Variants in SYT2 observed in about 807,000 individuals in gnomAD.
SYT2 encodes the protein synaptotagmin-2.
SYT2 carries 15 observed loss-of-function variants against 39.9 expected under a neutral mutation model. The ratio of observed to expected loss-of-function variants is 0.38; its 90% CI spans 0.25 to 0.58. SYT2 has a LOEUF of 0.58. Ranked by LOEUF, SYT2 falls within the 20% of genes least tolerant of loss-of-function variation. The probability of loss-of-function intolerance (pLI) is 0.70; values close to 1 mark genes in which losing one functional copy is unlikely to be tolerated. For missense variants in SYT2, 389 were observed against 530.3 expected (o/e 0.73, Z 2.62); for synonymous variants, 181 against 204.5 (o/e 0.89, Z 0.98).
At position 202,602,010 on chromosome 1, in the gene SYT2, A is replaced by C; in HGVS notation, c.681T>G (p.Tyr227Ter). The change falls in exon 6 of 9, where the codon TAT becomes TAG. Residue 227 changes from tyrosine (Y) to a stop codon, truncating the protein, a stop_gained. Coordinates refer to ENST00000367268, the MANE Select transcript of SYT2 (RefSeq NM_177402.5). LOFTEE classifies it high-confidence loss of function. ...CATGTTTGGAGAAGCGGTCAAAGTC[A>C]TAGATGGCCATCACCAGAGTTTTGC... ...LGGKTLVMAI[Y>*]DFDRFSKHDI... The C allele has an allele frequency of 6.2e-7, 1 of 1,614,178 alleles. No homozygotes were observed. The highest frequency in any genetic ancestry group is 8.5e-7 in the Non-Finnish European group (1 of 1,180,020).
At chr1:202,682,902 A>G (rs896672917) in intron 1 of SYT2, among the ~76,000 whole-genome samples, 6 of 152,314 alleles carry the variant, frequency 3.9e-5, no homozygotes, top group Non-Finnish European at 7.4e-5. Context: ...CCACAAATCA[A>G]TAAGAAGAAG....
At chr1:202,639,889 C>T (rs569036099) in intron 1 of SYT2, 3 of 962,740 alleles carry the variant, frequency 3.1e-6, no homozygotes, top group South Asian at 4.8e-5. Context: ...TATCCCTGCT[C>T]CTCCTGTAAT....
intron 1 of SYT2, 81 bp downstream of exon 1, chr1:202,710,177 T>C (rs912243395): frequency 6.6e-6 from 1 of 152,402 alleles, no homozygotes; most frequent in African/African-American, 2.4e-5. Flanking sequence ...GACCACCCCG[T>C]GGCCCCTCGA....
chr1:202,621,924 ATG>A (rs1001267497), intron 1 of SYT2, among the ~76,000 whole-genome samples: 1 of 152,146 alleles, frequency 6.6e-6, no homozygotes, highest in Non-Finnish European at 1.5e-5. Context: ...AAAAGCATAT[ATG>A]TGTGTGTGTG....
At chr1:202,633,508 C>T (rs1490509152) in intron 1 of SYT2, among the ~76,000 whole-genome samples, 1 of 152,130 alleles carries the variant, frequency 6.6e-6, no homozygotes, top group Non-Finnish European at 1.5e-5. Context: ...TCCCACTCAG[C>T]CCCTACCTGG....
chr1:202,592,404 G>A lies in SYT2; in HGVS notation c.*4353C>T, dbSNP rs1374947481. ...TTTCCCGATGGGAGGAGGCAGGGGT[G>A]GGGCTGGGGAACAAAGACTTTACAC... On this transcript the variant is annotated 3_prime_UTR_variant, in exon 9 of 9. Coordinates refer to ENST00000367268, the MANE Select transcript of SYT2 (RefSeq NM_177402.5). The A allele has an allele frequency of 2.0e-5, 3 of 152,630 alleles. No individual in the cohort carries two copies. Among genetic ancestry groups the A allele is most frequent in the Non-Finnish European group, 2.9e-5 (2 of 68,062 alleles). The allele number at this position is 152,630 out of a possible 1,614,324, so 9.5% of individuals were successfully genotyped here. A position where few individuals can be genotyped will look rare whatever the true frequency, so the allele number is the denominator to read the frequency against.
intron 1 of SYT2, among the ~76,000 whole-genome samples, chr1:202,706,660 G>C (rs997240148): frequency 6.6e-6 from 1 of 152,176 alleles, no homozygotes; most frequent in Non-Finnish European, 1.5e-5. Context: ...TCTCTGACTT[G>C]ATGTTTCTCC....
intron 2 of SYT2, 107 bp from the exon 3 acceptor site, chr1:202,604,728 G>A: frequency 5.6e-6 from 6 of 1,062,184 alleles, no homozygotes; most frequent in Non-Finnish European, 8.1e-6. Context: ...ATCCCACAAT[G>A]CCCACACCCC....
intron 1 of SYT2, among the ~76,000 whole-genome samples, chr1:202,702,760 A>G (rs1256562513): frequency 6.6e-6 from 1 of 152,202 alleles, no homozygotes; most frequent in Non-Finnish European, 1.5e-5. Context: ...TGGTACAATG[A>G]AAGATACATG....
In SYT2 at chr1:202,671,083, G is replaced by A. The variant is rs963350409; in HGVS notation, c.-18+39175C>T. 2.0e-5 allele frequency among the ~76,000 whole-genome samples: 3 copies of A among 152,232 alleles called. No individual in the cohort carries two copies. The East Asian group carries it at 5.8e-4, about 29-fold the overall frequency. On this transcript the variant is annotated intron_variant, in intron 1 of 8. Coordinates refer to ENST00000367268, the MANE Select transcript of SYT2 (RefSeq NM_177402.5). ...ATCGGCGATCAGCTAGCCTAATGAA[G>A]CAGTCAGACCAGCAAAACTCCCATC... is the stretch of plus-strand genomic sequence containing the variant.
At chr1:202,680,078 G>T (rs1653486587) in intron 1 of SYT2, among the ~76,000 whole-genome samples, 1 of 152,186 alleles carries the variant, frequency 6.6e-6, no homozygotes, top group Non-Finnish European at 1.5e-5. Flanking sequence ...TTGCATGTCA[G>T]TTTCCCCAGG....
rs544970664 is a variant in SYT2 at position 202,609,575 on chromosome 1, C to T, written c.-17-3786G>A. ...TGTTGTTTCCTGACTTTTTAATGAT[C>T]GCCATTCTAACTGGTGTGAGATGAT... On this transcript the variant is annotated intron_variant, in intron 1 of 8. Coordinates refer to ENST00000367268, the MANE Select transcript of SYT2 (RefSeq NM_177402.5). Among the ~76,000 whole-genome samples, 242 of 152,238 alleles carry T rather than the reference C, an allele frequency of 1.6e-3. 2 individuals are homozygous for T. In the Middle Eastern group the frequency reaches 0.031, roughly 19 times the overall value.
At chr1:202,638,776 C>T (rs1691819458) in intron 1 of SYT2, among the ~76,000 whole-genome samples, 1 of 152,214 alleles carries the variant, frequency 6.6e-6, no homozygotes, top group Admixed American at 6.5e-5. Flanking sequence ...CCCGCCCCAT[C>T]CCAAGTCAGA....
At position 202,602,038 on chromosome 1, in the gene SYT2, C is replaced by A; in HGVS notation, c.653G>T (p.Gly218Val). ...FTFKVPYQEL[G>V]GKTLVMAIYD... ...GATGGCCATCACCAGAGTTTTGCCC[C>A]CAAGCTCCTGGTATGGCACCTGCAG... The change falls in exon 6 of 9, where the codon GGG becomes GTG. Residue 218 changes from glycine to valine, a missense_variant. By Grantham distance (109) the Gly-to-Val change is moderately radical (BLOSUM62 -3). Around this residue, in one of 4 missense-constraint regions of SYT2, gnomAD observed 280 missense variants for 335.6 expected, o/e 0.83. Coordinates refer to ENST00000367268, the MANE Select transcript of SYT2 (RefSeq NM_177402.5). 6.2e-7 allele frequency: 1 copy of A among 1,614,126 alleles called. No individual in the cohort carries two copies. The highest frequency in any genetic ancestry group is 8.5e-7 in the Non-Finnish European group (1 of 1,180,020).
intron 1 of SYT2, among the ~76,000 whole-genome samples, chr1:202,689,760 T>A (rs1653770925): frequency 6.6e-6 from 1 of 151,994 alleles, no homozygotes. Context: ...CCTTTACCAC[T>A]AGTGATTCCT....
At chr1:202,688,109 C>T (rs1558462156) in intron 1 of SYT2, among the ~76,000 whole-genome samples, 2 of 152,180 alleles carry the variant, frequency 1.3e-5, no homozygotes, top group Non-Finnish European at 2.9e-5. Context: ...TCTCTGGTCA[C>T]TGACACCCCC....
intron 1 of SYT2, among the ~76,000 whole-genome samples, chr1:202,669,895 C>T (rs1417540147): frequency 6.6e-6 from 1 of 152,148 alleles, no homozygotes; most frequent in African/African-American, 2.4e-5. Context: ...CTGGGCATAA[C>T]CGAGGCACTG....
At chr1:202,613,372 C>T (rs1303286197) in intron 1 of SYT2, among the ~76,000 whole-genome samples, 1 of 152,138 alleles carries the variant, frequency 6.6e-6, no homozygotes, top group African/African-American at 2.4e-5. Context: ...TCAGCCACCG[C>T]GTTCAGCCTG....
intron 5 of SYT2, 39 bp from the exon 6 acceptor site, chr1:202,602,096 C>T: frequency 1.2e-6 from 2 of 1,609,074 alleles, no homozygotes; most frequent in Non-Finnish European, 1.7e-6. Context: ...GCCAGAGCGA[C>T]TCACGCACCT....
Sources: gnomAD v4.1 joint callset for allele counts (sites outside exome capture counted in the v4.1 genomes callset) on GRCh38, gnomAD v4.1.1 for gene constraint, gnomAD v4.1.1 regional missense constraint, MANE v1.5 for transcripts, NCBI Gene and HGNC (gene_info 2026-07-23, HGNC 2026-07-21) for gene names.